Variants in PTPRT observed in about 807,000 individuals in gnomAD.
PTPRT encodes the protein receptor-type tyrosine-protein phosphatase T.
PTPRT carries 56 observed loss-of-function variants against 176.8 expected under a neutral mutation model. The ratio of observed to expected loss-of-function variants is 0.32; its 90% CI spans 0.26 to 0.40. The LOEUF is 0.40. Ranked by LOEUF, PTPRT falls within the 10% of genes least tolerant of loss-of-function variation. The probability of loss-of-function intolerance (pLI) is 1.00; values close to 1 mark genes in which losing one functional copy is unlikely to be tolerated. For synonymous variants in PTPRT, 783 were observed against 739.0 expected (o/e 1.06, Z -0.96); for missense variants, 1,540 against 1,908.2 (o/e 0.81, Z 3.60).
intron 7 of PTPRT, among the ~76,000 whole-genome samples, chr20:42,595,335 C>T (rs1240017527): frequency 1.3e-5 from 2 of 152,022 alleles, no homozygotes; most frequent in Admixed American, 1.3e-4. Flanking sequence ...TGGAACTGCT[C>T]AGTGCACTGT....
At chr20:42,059,474 C>T in the PTPRT span, among the ~76,000 whole-genome samples, 52 of 152,098 alleles carry the variant, frequency 3.4e-4, no homozygotes, top group Non-Finnish European at 5.3e-4. Context: ...AATGGAGATA[C>T]CTGCCATGCA....
intron 8 of PTPRT, among the ~76,000 whole-genome samples, chr20:42,451,068 A>C (rs1450762571): frequency 6.6e-6 from 1 of 152,084 alleles, no homozygotes; most frequent in Non-Finnish European, 1.5e-5. Flanking sequence ...TGTGAGGTTG[A>C]GGGTGGAAGG....
At chr20:42,121,697 T>TA (rs1491238372) in intron 19 of PTPRT, among the ~76,000 whole-genome samples, 22 of 140,528 alleles carry the variant, frequency 1.6e-4, no homozygotes, top group East Asian at 5.0e-4. Flanking sequence ...AAGAAATTTT[T>TA]TATATATATA....
chr20:42,712,576 A>G (rs899683275), intron 6 of PTPRT, among the ~76,000 whole-genome samples: 11 of 152,154 alleles, frequency 7.2e-5, no homozygotes, highest in African/African-American at 2.7e-4. Context: ...CCTTGGTTCT[A>G]TCTCTGAGCC....
intron 6 of PTPRT, among the ~76,000 whole-genome samples, chr20:42,721,840 A>C (rs1176447120): frequency 6.6e-6 from 1 of 152,194 alleles, no homozygotes; most frequent in Non-Finnish European, 1.5e-5. Flanking sequence ...ACTTATCAAC[A>C]GGCCAACCCA....
intron 11 of PTPRT, among the ~76,000 whole-genome samples, chr20:42,337,716 T>TA (rs1280832860): frequency 6.6e-6 from 1 of 152,184 alleles, no homozygotes; most frequent in South Asian, 2.1e-4. Flanking sequence ...CTTGCATTTC[T>TA]AAAAAAGTCC....
At chr20:42,530,725 T>G (rs1317750277) in intron 7 of PTPRT, among the ~76,000 whole-genome samples, 1 of 152,216 alleles carries the variant, frequency 6.6e-6, no homozygotes, top group Non-Finnish European at 1.5e-5. Flanking sequence ...GGCTGTCACT[T>G]GAGGAAAAAG....
intron 7 of PTPRT, among the ~76,000 whole-genome samples, chr20:42,610,738 T>C (rs2073961969): frequency 6.6e-6 from 1 of 152,196 alleles, no homozygotes; most frequent in South Asian, 2.1e-4. Context: ...CCATTTAAAG[T>C]GTATAATGCA....
chr20:42,978,388 A>G (rs1983079299), intron 1 of PTPRT, among the ~76,000 whole-genome samples: 1 of 152,228 alleles, frequency 6.6e-6, no homozygotes, highest in African/African-American at 2.4e-5. Context: ...GAGAAAAGTG[A>G]GAGAATACAG....
chr20:42,036,159 G>A, the PTPRT span, among the ~76,000 whole-genome samples: 1 of 152,174 alleles, frequency 6.6e-6, no homozygotes, highest in Non-Finnish European at 1.5e-5. Context: ...CCATCCCTCA[G>A]TAATTGAGGC....
At chr20:42,150,502 C>T (rs1208035116) in intron 17 of PTPRT, among the ~76,000 whole-genome samples, 3 of 152,202 alleles carry the variant, frequency 2.0e-5, no homozygotes, top group Admixed American at 2.0e-4. Context: ...CAACACTGTA[C>T]TCTCCTGGTG....
intron 18 of PTPRT, among the ~76,000 whole-genome samples, chr20:42,138,712 T>G (rs899072935): frequency 6.6e-6 from 1 of 152,328 alleles, no homozygotes; most frequent in African/African-American, 2.4e-5. Context: ...TTGTTCTTAT[T>G]TTACCCATTC....
chr20:43,091,493 T>C lies in PTPRT; in HGVS notation c.88+98153A>G, dbSNP rs202084462. Among the ~76,000 whole-genome samples the C allele has an allele frequency of 2.6e-3, 324 of 123,358 alleles. 2 individuals are homozygous for C. Among genetic ancestry groups the C allele is most frequent in the Admixed American group, 3.3e-3 (42 of 12,676 alleles). 80.9% of individuals were successfully genotyped at this position (123,358 alleles called of 152,430 possible). On this transcript the variant is annotated intron_variant, in intron 1 of 30. Transcript: ENST00000373187. ...TCTTTCTCTCTCTCTCTCTCTCTAT[T>C]TCTCTCTCTCTCTCTCCCCCCTCTC... is the stretch of plus-strand genomic sequence containing the variant.
intron 17 of PTPRT, among the ~76,000 whole-genome samples, chr20:42,143,249 A>G (rs1054433771): frequency 1.3e-5 from 2 of 152,164 alleles, no homozygotes; most frequent in Admixed American, 6.6e-5. Flanking sequence ...GGAAGCAGGG[A>G]GATCTGCTAG....
At chr20:42,856,192 G>C (rs1236846664) in intron 2 of PTPRT, among the ~76,000 whole-genome samples, 1 of 152,156 alleles carries the variant, frequency 6.6e-6, no homozygotes, top group Non-Finnish European at 1.5e-5. Context: ...AAAGCCCCCA[G>C]AGGCTTTTTG....
intron 7 of PTPRT, among the ~76,000 whole-genome samples, chr20:42,484,183 AC>A (rs1399570613): frequency 3.3e-5 from 5 of 152,208 alleles, no homozygotes; most frequent in Non-Finnish European, 7.4e-5. Context: ...CCAGAGGTTC[AC>A]AGTGCCCTTG....
Position 42,076,460 on chromosome 20 carries a change from C to A in PTPRT, c.*4419G>T. On this transcript the variant is annotated 3_prime_UTR_variant, in exon 31 of 31. Coordinates refer to ENST00000373187, the MANE Select transcript of PTPRT (RefSeq NM_007050.6). Reference sequence around the variant, plus strand: ...CCACGCCAGATGAGCAAATCCTCATCATTCTAGTGTGAGTTAATGGGTTCC... The same window carrying A: ...CCACGCCAGATGAGCAAATCCTCATAATTCTAGTGTGAGTTAATGGGTTCC... 1 of 206,960 alleles carries A rather than the reference C, an allele frequency of 4.8e-6. No individual in the cohort carries two copies. Among genetic ancestry groups the A allele is most frequent in the Non-Finnish European group, 9.9e-6 (1 of 101,344 alleles). 12.8% of individuals were successfully genotyped at this position (206,960 alleles called of 1,614,324 possible). A position where few individuals can be genotyped will look rare whatever the true frequency, so the allele number is the denominator to read the frequency against.
chr20:42,577,662 C>T (rs1250433405), intron 7 of PTPRT, among the ~76,000 whole-genome samples: 1 of 152,040 alleles, frequency 6.6e-6, no homozygotes, highest in Non-Finnish European at 1.5e-5. Context: ...CCATCTAGTT[C>T]GGCCACCACA....
At chr20:42,915,016 A>T (rs1009228113) in intron 1 of PTPRT, among the ~76,000 whole-genome samples, 2 of 152,198 alleles carry the variant, frequency 1.3e-5, no homozygotes, top group African/African-American at 4.8e-5. Flanking sequence ...CTTCATAAAT[A>T]TGCTATCCAA....
Sources: gnomAD v4.1 joint callset for allele counts (sites outside exome capture counted in the v4.1 genomes callset) on GRCh38, gnomAD v4.1.1 for gene constraint, MANE v1.5 for transcripts, NCBI Gene and HGNC (gene_info 2026-07-23, HGNC 2026-07-21) for gene names.